HECW2: variants seen among roughly 807,000 people sequenced by gnomAD.
HECW2 encodes the protein E3 ubiquitin-protein ligase HECW2.
A neutral mutation model predicts 175.2 loss-of-function variants in HECW2; 61 were observed. That is an observed-to-expected ratio of 0.35 (90% CI 0.28 to 0.43). The LOEUF (loss-of-function observed/expected upper bound fraction) is 0.43. HECW2 is among the 20% of genes least tolerant of loss of function. The pLI is 1.00. For missense variants in HECW2, 1,524 were observed against 2,000.5 expected, an observed-to-expected ratio of 0.76 and a Z score of 4.54; for synonymous variants, 671 against 731.0, an observed-to-expected ratio of 0.92 and a Z score of 1.32.
At chr2:196,536,068 G>C (rs555573408) in intron 1 of HECW2, among the ~76,000 whole-genome samples, 1 of 152,144 alleles carries the variant, frequency 6.6e-6, no homozygotes, top group African/African-American at 2.4e-5. Flanking sequence ...AACCTGGAAA[G>C]GTAATGTGTG....
chr2:196,541,857 T>C (rs1457716076), intron 1 of HECW2, among the ~76,000 whole-genome samples: 1 of 151,972 alleles, frequency 6.6e-6, no homozygotes, highest in African/African-American at 2.4e-5. Context: ...ACATTTTCAA[T>C]AGTATGCAAG....
chr2:196,199,431 T>C lies in HECW2; in HGVS notation c.*1846A>G, dbSNP rs1686787392. 1 of 152,638 alleles carries C rather than the reference T, an allele frequency of 6.6e-6. No individual in the cohort carries two copies. Among genetic ancestry groups the C allele is most frequent in the Admixed American group, 6.5e-5 (1 of 15,276 alleles). The allele number at this position is 152,638 out of a possible 1,614,324, so 9.5% of individuals were successfully genotyped here. A position where few individuals can be genotyped will look rare whatever the true frequency, so the allele number is the denominator to read the frequency against. On this transcript the variant is annotated 3_prime_UTR_variant, in exon 29 of 29. Coordinates refer to ENST00000644978, the MANE Select transcript of HECW2 (RefSeq NM_001348768.2). ...TTCACACTGCAGTACGTGCCTTTAGTGCAGGAGTGTAACATAAGTGGTATT... is the reference window on the plus strand; with the variant it reads ...TTCACACTGCAGTACGTGCCTTTAGCGCAGGAGTGTAACATAAGTGGTATT...
intron 1 of HECW2, among the ~76,000 whole-genome samples, chr2:196,492,361 C>A (rs1381146027): frequency 2.6e-5 from 4 of 152,142 alleles, no homozygotes. Flanking sequence ...TGACCTCCTG[C>A]CCCTCACTAA....
At chr2:196,252,009 G>A (rs1688871869) in intron 19 of HECW2, among the ~76,000 whole-genome samples, 1 of 151,682 alleles carries the variant, frequency 6.6e-6, no homozygotes, top group Admixed American at 6.6e-5. Flanking sequence ...GACCAGCCTG[G>A]CCAACATGAT....
chr2:196,437,795 AAG>A (rs1230957890), intron 1 of HECW2, among the ~76,000 whole-genome samples: 3 of 151,750 alleles, frequency 2.0e-5, no homozygotes, highest in African/African-American at 7.3e-5. Flanking sequence ...AGAAAAATGA[AAG>A]AGAGAGAGAG....
intron 2 of HECW2, among the ~76,000 whole-genome samples, chr2:196,402,225 A>AC (rs1694841731): frequency 6.7e-6 from 1 of 149,468 alleles, no homozygotes; most frequent in Non-Finnish European, 1.5e-5. Context: ...AAAAAAAAAA[A>AC]AGAGGGAAAC....
chr2:196,531,121 A>G (rs1316292304), intron 1 of HECW2, among the ~76,000 whole-genome samples: 3 of 152,234 alleles, frequency 2.0e-5, no homozygotes, highest in African/African-American at 4.8e-5. Flanking sequence ...TGGTTCATTA[A>G]TTAGCATAAG....
chr2:196,386,132 G>A (rs565525326), intron 2 of HECW2, among the ~76,000 whole-genome samples: 20 of 152,302 alleles, frequency 1.3e-4, no homozygotes, highest in Non-Finnish European at 2.6e-4. Context: ...AGGATCTTAG[G>A]ATACATGAGT....
intron 1 of HECW2, among the ~76,000 whole-genome samples, chr2:196,556,743 T>G (rs894691956): frequency 1.3e-5 from 2 of 152,292 alleles, no homozygotes; most frequent in African/African-American, 4.8e-5. Context: ...TGGTGTAATC[T>G]TGGAGTGGAG....
intron 2 of HECW2, among the ~76,000 whole-genome samples, chr2:196,385,686 T>C (rs1327545627): frequency 6.6e-6 from 1 of 152,216 alleles, no homozygotes; most frequent in Admixed American, 6.5e-5. Flanking sequence ...TTCAGACCAG[T>C]CATGGTGGTT....
intron 19 of HECW2, among the ~76,000 whole-genome samples, chr2:196,246,071 G>A (rs1688632247): frequency 6.6e-6 from 1 of 152,138 alleles, no homozygotes; most frequent in South Asian, 2.1e-4. Flanking sequence ...GAAACACATG[G>A]GCAGCATCCA....
intron 1 of HECW2, among the ~76,000 whole-genome samples, chr2:196,526,641 A>T (rs11885128): frequency 0.18 from 19,230 of 107,434 alleles, 3,196 homozygotes; most frequent in African/African-American, 0.47. Flanking sequence ...GATGGTGATA[A>T]ACAGATGGGT....
intron 19 of HECW2, among the ~76,000 whole-genome samples, chr2:196,251,209 T>C (rs1163370257): frequency 6.6e-6 from 1 of 152,194 alleles, no homozygotes; most frequent in East Asian, 1.9e-4. Context: ...GTGGCTCTAT[T>C]GACCACTCCT....
At chr2:196,212,016 T>C (rs1559438044) in intron 28 of HECW2, among the ~76,000 whole-genome samples, 2 of 152,112 alleles carry the variant, frequency 1.3e-5, no homozygotes, top group Admixed American at 6.5e-5. Flanking sequence ...TTTGTATTTT[T>C]AGTAGAGACA....
chr2:196,451,087 T>G (rs1002889331), intron 1 of HECW2, among the ~76,000 whole-genome samples: 2 of 152,096 alleles, frequency 1.3e-5, no homozygotes, highest in Admixed American at 1.3e-4. Context: ...ATTGAAACAC[T>G]GCAGTATTAC....
At chr2:196,569,562 C>T (rs1384281290) in intron 1 of HECW2, among the ~76,000 whole-genome samples, 1 of 152,046 alleles carries the variant, frequency 6.6e-6, no homozygotes, top group Non-Finnish European at 1.5e-5. Context: ...CCTGCTAAGA[C>T]AGGGAAAGTT....
At chr2:196,339,692 A>G (rs1053910935) in intron 3 of HECW2, among the ~76,000 whole-genome samples, 1 of 152,250 alleles carries the variant, frequency 6.6e-6, no homozygotes, top group African/African-American at 2.4e-5. Flanking sequence ...GTATAGAATG[A>G]AACAGACATT....
chr2:196,445,685 A>G (rs1429875806), intron 1 of HECW2, among the ~76,000 whole-genome samples: 1 of 152,214 alleles, frequency 6.6e-6, no homozygotes, highest in East Asian at 1.9e-4. Flanking sequence ...ATTATGGGGC[A>G]TGATCAGCAG....
At chr2:196,356,920 G>A (rs1010324063) in intron 2 of HECW2, among the ~76,000 whole-genome samples, 2 of 152,172 alleles carry the variant, frequency 1.3e-5, no homozygotes, top group Non-Finnish European at 2.9e-5. Flanking sequence ...CGTATCCCCC[G>A]TGGATAAGGT....
Sources: gnomAD v4.1 joint callset for allele counts (sites outside exome capture counted in the v4.1 genomes callset) on GRCh38, gnomAD v4.1.1 for gene constraint, MANE v1.5 for transcripts, NCBI Gene and HGNC (gene_info 2026-07-23, HGNC 2026-07-21) for gene names.